The following PRH1 variants were observed in gnomAD, a reference collection of about 807,000 sequenced individuals.
PRH1 encodes salivary acidic proline-rich phosphoprotein 1/2.
In PRH1, 7 loss-of-function variants were observed where a neutral mutation model predicts 7.9. The observed-to-expected ratio is 0.89, with a 90% confidence interval of 0.50 to 1.67. The LOEUF (loss-of-function observed/expected upper bound fraction) is 1.67, where lower values mean the gene tolerates loss of function less well. PRH1 is among the 40% of genes most tolerant of loss of function. PRH1 has a pLI of 0.00. For missense variants in PRH1, 109 were observed against 223.6 expected, an observed-to-expected ratio of 0.49 and a Z score of 3.27; for synonymous variants, 45 against 80.8, an observed-to-expected ratio of 0.56 and a Z score of 2.38.
At chr12:11,123,737 TC>T (rs1481183903) in intron 1 of PRH1, among the ~76,000 whole-genome samples, 2 of 152,234 alleles carry the variant, frequency 1.3e-5, no homozygotes, top group African/African-American at 4.8e-5. Flanking sequence ...TCTCAGTGCT[TC>T]ATTCTTTGTA....
At chr12:11,136,000 AAACATT>A (rs1426618225) in intron 1 of PRH1, among the ~76,000 whole-genome samples, 1 of 152,186 alleles carries the variant, frequency 6.6e-6, no homozygotes, top group Non-Finnish European at 1.5e-5. Flanking sequence ...AGTGTATCAT[AAACATT>A]CAAGTAACCA....
chr12:10,883,933 C>G (rs17743104), intron 1 of PRH1, among the ~76,000 whole-genome samples: 4,414 of 152,240 alleles, frequency 0.029, 110 homozygotes, highest in African/African-American at 0.062. Flanking sequence ...CTCTCTCACA[C>G]CCCTAGTACG....
chr12:11,152,130 G>A (rs911308948), intron 1 of PRH1, among the ~76,000 whole-genome samples: 7 of 149,706 alleles, frequency 4.7e-5, no homozygotes, highest in Non-Finnish European at 8.9e-5. Context: ...TGTGCACAAC[G>A]TACAGGTTTG....
intron 1 of PRH1, among the ~76,000 whole-genome samples, chr12:10,999,821 T>C (rs1407784427): frequency 6.6e-6 from 1 of 152,098 alleles, no homozygotes; most frequent in African/African-American, 2.4e-5. Flanking sequence ...TGCAGTCCTG[T>C]GTGTTCTTCT....
intron 1 of PRH1, among the ~76,000 whole-genome samples, chr12:11,074,116 C>T (rs1944198320): frequency 6.7e-6 from 1 of 148,388 alleles, no homozygotes; most frequent in African/African-American, 2.5e-5. Flanking sequence ...AGCACCTTGC[C>T]TGATCCAGAT....
chr12:11,151,889 G>A (rs1213101442), intron 1 of PRH1, among the ~76,000 whole-genome samples: 3 of 151,274 alleles, frequency 2.0e-5, no homozygotes, highest in Non-Finnish European at 4.4e-5. Context: ...TATTACCATG[G>A]GTTAAACCAT....
At chr12:11,018,375 C>T (rs1332816046) in intron 1 of PRH1, among the ~76,000 whole-genome samples, 3 of 152,226 alleles carry the variant, frequency 2.0e-5, no homozygotes, top group Non-Finnish European at 1.5e-5. Flanking sequence ...ATGAGCACAT[C>T]TGAGTGGCAC....
intron 2 of PRH1, among the ~76,000 whole-genome samples, chr12:10,955,464 A>G (rs888603402): frequency 2.6e-5 from 4 of 152,104 alleles, no homozygotes; most frequent in Non-Finnish European, 5.9e-5. Flanking sequence ...AGCAATAAAC[A>G]CTCACATCAA....
chr12:10,954,691 G>T (rs1332690123), intron 2 of PRH1, among the ~76,000 whole-genome samples: 2 of 151,972 alleles, frequency 1.3e-5, no homozygotes, highest in Non-Finnish European at 2.9e-5. Flanking sequence ...TGCTCAGGCT[G>T]GTCTCAAACT....
intron 2 of PRH1, chr12:10,939,136 A>G: frequency 6.2e-7 from 1 of 1,601,834 alleles, no homozygotes; most frequent in Non-Finnish European, 8.5e-7. Flanking sequence ...CTATGAAACT[A>G]TTTCCTAAAT....
intron 1 of PRH1, among the ~76,000 whole-genome samples, chr12:10,994,629 G>C (rs1940119456): frequency 3.4e-5 from 5 of 146,796 alleles, no homozygotes; most frequent in Non-Finnish European, 1.5e-5. Flanking sequence ...TTTAATATCA[G>C]ACATTTGCTC....
chr12:11,051,813 A>C (rs1390463376), upstream of PRH1, among the ~76,000 whole-genome samples: 1 of 152,172 alleles, frequency 6.6e-6, no homozygotes, highest in Non-Finnish European at 1.5e-5. Flanking sequence ...CTGCATGTAC[A>C]TGTGATTCAT....
intron 2 of PRH1, among the ~76,000 whole-genome samples, chr12:10,940,619 T>C (rs1950383917): frequency 6.6e-6 from 1 of 152,142 alleles, no homozygotes; most frequent in Admixed American, 6.5e-5. Context: ...CCCAGCAACA[T>C]CTACTCCATG....
At chr12:10,953,433 G>A (rs1055067513) in intron 2 of PRH1, among the ~76,000 whole-genome samples, 44 of 152,188 alleles carry the variant, frequency 2.9e-4, no homozygotes, top group Non-Finnish European at 8.8e-5. Flanking sequence ...ATCTGATAGA[G>A]CTGAAAACAT....
chr12:10,991,636 T>C (rs1447564969), intron 1 of PRH1, among the ~76,000 whole-genome samples: 2 of 152,182 alleles, frequency 1.3e-5, no homozygotes, highest in African/African-American at 4.8e-5. Flanking sequence ...TTCCTCTCTA[T>C]TGAACCATGT....
chr12:11,084,207 G>C (rs1382877957), intron 1 of PRH1, among the ~76,000 whole-genome samples: 6 of 25,390 alleles, frequency 2.4e-4, no homozygotes, highest in Middle Eastern at 0.022. Flanking sequence ...ACGGGCACAA[G>C]CAGCACCCTT....
chr12:11,000,036 T>C (rs1004686219), intron 1 of PRH1, among the ~76,000 whole-genome samples: 15 of 152,136 alleles, frequency 9.9e-5, no homozygotes, highest in Admixed American at 3.9e-4. Flanking sequence ...ACTATCAGCA[T>C]TATTTCACAT....
chr12:10,971,984 T>C (rs1394168699), intron 2 of PRH1, among the ~76,000 whole-genome samples: 2 of 152,172 alleles, frequency 1.3e-5, no homozygotes, highest in South Asian at 2.1e-4. Context: ...TCATTTGATA[T>C]CAGCAAATAG....
chr12:10,895,002 G>C (rs758573059), intron 2 of PRH1: 1 of 152,106 alleles, frequency 6.6e-6, no homozygotes, highest in Non-Finnish European at 1.5e-5. Context: ...AGGACACAGA[G>C]AGAAGCTTGC....
Sources: allele counts gnomAD v4.1 joint callset (sites outside exome capture counted in the v4.1 genomes callset), GRCh38; gene constraint gnomAD v4.1.1; transcripts MANE v1.5; gene names NCBI Gene and HGNC (gene_info 2026-07-23, HGNC 2026-07-21).